Variants in GALNTL6 observed in about 807,000 individuals in gnomAD.
GALNTL6 encodes polypeptide N-acetylgalactosaminyltransferase like 6.
A neutral mutation model predicts 73.7 loss-of-function variants in GALNTL6; 46 were observed. The observed-to-expected ratio is 0.62, with a 90% CI of 0.49 to 0.80. The LOEUF (loss-of-function observed/expected upper bound fraction) is 0.80. GALNTL6 is among the 30% of genes least tolerant of loss of function. The pLI is 0.00. For synonymous variants in GALNTL6, 259 were observed against 263.7 expected (o/e 0.98, Z 0.17); for missense variants, 604 against 755.0 (o/e 0.80, Z 2.34).
At chr4:172,011,641 C>T (rs749449936) in intron 2 of GALNTL6, among the ~76,000 whole-genome samples, 3 of 151,882 alleles carry the variant, frequency 2.0e-5, no homozygotes, top group Non-Finnish European at 2.9e-5. Context: ...AAATCACTTT[C>T]CTATATTATT....
At chr4:172,647,602 T>C (rs1740297449) in intron 5 of GALNTL6, among the ~76,000 whole-genome samples, 1 of 152,112 alleles carries the variant, frequency 6.6e-6, no homozygotes, top group South Asian at 2.1e-4. Context: ...CAAGAACCAC[T>C]GTCTGATCTG....
chr4:172,213,838 G>A (rs185981130), intron 2 of GALNTL6, among the ~76,000 whole-genome samples: 4 of 151,974 alleles, frequency 2.6e-5, no homozygotes, highest in East Asian at 3.9e-4. Context: ...TATGGACTGC[G>A]CTTTTGTATC....
intron 3 of GALNTL6, among the ~76,000 whole-genome samples, chr4:172,302,269 C>A (rs1285624832): frequency 1.3e-5 from 2 of 152,132 alleles, no homozygotes; most frequent in Admixed American, 6.5e-5. Flanking sequence ...CTGTCTGTCA[C>A]CCCTTTCCTT....
intron 5 of GALNTL6, among the ~76,000 whole-genome samples, chr4:172,407,097 A>G (rs1744265206): frequency 6.6e-6 from 1 of 152,030 alleles, no homozygotes; most frequent in African/African-American, 2.4e-5. Context: ...GGTTTCCAAG[A>G]TCTTTCAGGA....
chr4:173,012,860 G>A (rs78831829), intron 11 of GALNTL6, among the ~76,000 whole-genome samples: 2,272 of 152,298 alleles, frequency 0.015, 20 homozygotes, highest in Non-Finnish European at 0.02. Flanking sequence ...CTGCATGGCT[G>A]GGCACGGTGA....
Position 171,828,235 on chromosome 4 carries a change from G to A in GALNTL6, c.138+13517G>A, listed in dbSNP as rs112821317. On this transcript the variant is annotated intron_variant, in intron 2 of 12. Coordinates refer to ENST00000506823, the MANE Select transcript of GALNTL6 (RefSeq NM_001034845.3). ...CTATTACAGTGGGTTCAAGTATCAC[G>A]AGCATCTGCTTAAAACACTGTGCGA... Among the ~76,000 whole-genome samples the A allele has an allele frequency of 9.9e-3, 1,514 of 152,234 alleles. 14 individuals are homozygous for A. Among genetic ancestry groups the A allele is most frequent in the Middle Eastern group, 0.085 (25 of 294 alleles).
chr4:172,599,450 A>G (rs1356130379), intron 5 of GALNTL6, among the ~76,000 whole-genome samples: 1 of 152,184 alleles, frequency 6.6e-6, no homozygotes, highest in Non-Finnish European at 1.5e-5. Context: ...TTGCTGAGTT[A>G]AGAATAAAAT....
At chr4:172,067,860 G>A (rs1177462209) in intron 2 of GALNTL6, among the ~76,000 whole-genome samples, 2 of 110,578 alleles carry the variant, frequency 1.8e-5, no homozygotes, top group South Asian at 2.6e-4. Context: ...GATTAGTTGA[G>A]CCATTGCATG....
intron 2 of GALNTL6, among the ~76,000 whole-genome samples, chr4:172,144,327 T>C (rs1226170501): frequency 2.0e-5 from 3 of 152,224 alleles, no homozygotes; most frequent in Non-Finnish European, 4.4e-5. Flanking sequence ...AGTAGAATTG[T>C]ACCGAATTTA....
At chr4:172,742,156 G>A (rs1736845810) in intron 5 of GALNTL6, among the ~76,000 whole-genome samples, 1 of 151,820 alleles carries the variant, frequency 6.6e-6, no homozygotes, top group South Asian at 2.1e-4. Flanking sequence ...GTGTTCAGCT[G>A]GTTAGGATCC....
At chr4:172,230,127 T>C (rs1339218226) in intron 3 of GALNTL6, among the ~76,000 whole-genome samples, 1 of 152,132 alleles carries the variant, frequency 6.6e-6, no homozygotes, top group East Asian at 1.9e-4. Flanking sequence ...TGTATCTAAC[T>C]GGCAATGCAA....
At chr4:172,422,065 C>T (rs547413583) in intron 5 of GALNTL6, among the ~76,000 whole-genome samples, 1 of 152,218 alleles carries the variant, frequency 6.6e-6, no homozygotes, top group East Asian at 1.9e-4. Flanking sequence ...TGTGCCTATA[C>T]TTTGCAATTC....
chr4:172,836,524 G>A (rs1261418000), intron 7 of GALNTL6, among the ~76,000 whole-genome samples: 2 of 152,192 alleles, frequency 1.3e-5, no homozygotes, highest in Non-Finnish European at 2.9e-5. Context: ...GTGGCAGTTA[G>A]ATCAAGTTGG....
chr4:172,792,040 T>C (rs1740022620), intron 5 of GALNTL6, among the ~76,000 whole-genome samples: 2 of 152,184 alleles, frequency 1.3e-5, no homozygotes, highest in South Asian at 4.1e-4. Flanking sequence ...CATGGACTGG[T>C]TTGGCTGTTC....
intron 10 of GALNTL6, among the ~76,000 whole-genome samples, chr4:173,008,619 T>C (rs1752400484): frequency 6.6e-6 from 1 of 152,224 alleles, no homozygotes; most frequent in Non-Finnish European, 1.5e-5. Flanking sequence ...AGTTTGGGGC[T>C]AGGATTTTTA....
chr4:172,380,514 G>A, intron 5 of GALNTL6: 2 of 423,172 alleles, frequency 4.7e-6, no homozygotes, highest in Admixed American at 3.0e-5. Context: ...TTGGGTCTCT[G>A]GTCTCTAACT....
chr4:171,959,210 C>T (rs557975575), intron 2 of GALNTL6, among the ~76,000 whole-genome samples: 170 of 152,172 alleles, frequency 1.1e-3, no homozygotes, highest in African/African-American at 3.9e-3. Flanking sequence ...GAACTAGAGT[C>T]TGAAATGCAG....
At position 172,863,404 on chromosome 4, in the gene GALNTL6, G is replaced by A. The variant is rs538914926; in HGVS notation, c.924-19386G>A. On this transcript the variant is annotated intron_variant, in intron 7 of 12. Coordinates refer to ENST00000506823, the MANE Select transcript of GALNTL6 (RefSeq NM_001034845.3). ...TGTACCCTGCAAATCCACATAGGCG[G>A]AGCTGCCCAAGGCTGTAGGAGCCCA... is the stretch of plus-strand genomic sequence containing the variant. Among the ~76,000 whole-genome samples the A allele has an allele frequency of 5.9e-5, 9 of 152,306 alleles. 1 individual carries two copies. The South Asian group carries it at 1.9e-3, about 32-fold the overall frequency.
chr4:172,388,329 G>A (rs144215364), intron 5 of GALNTL6, among the ~76,000 whole-genome samples: 3 of 152,140 alleles, frequency 2.0e-5, no homozygotes, highest in East Asian at 1.9e-4. Flanking sequence ...ATCATAGAAC[G>A]CAATGCTCTA....
Sources: allele counts gnomAD v4.1 joint callset (sites outside exome capture counted in the v4.1 genomes callset), GRCh38; gene constraint gnomAD v4.1.1; transcripts MANE v1.5; gene names NCBI Gene and HGNC (gene_info 2026-07-23, HGNC 2026-07-21).